LARGE1: variants seen among roughly 807,000 people sequenced by gnomAD.
LARGE1 encodes the protein LARGE xylosyl- and glucuronyltransferase 1.
In LARGE1, 43 loss-of-function variants were observed where a neutral mutation model predicts 87.6. That is an observed-to-expected ratio of 0.49 (90% CI 0.38 to 0.63). The LOEUF (loss-of-function observed/expected upper bound fraction) is 0.63. LARGE1 is among the 30% of genes least tolerant of loss of function. The probability of loss-of-function intolerance (pLI) is 0.00; values close to 1 mark genes in which losing one functional copy is unlikely to be tolerated. For synonymous variants in LARGE1, 434 were observed against 394.6 expected, an observed-to-expected ratio of 1.10 and a Z score of -1.18; for missense variants, 802 against 1,000.2, an observed-to-expected ratio of 0.80 and a Z score of 2.67.
intron 5 of LARGE1, chr22:33,572,370 G>C (rs2078231807): frequency 3.2e-6 from 1 of 309,852 alleles, no homozygotes; most frequent in Non-Finnish European, 6.2e-6. Flanking sequence ...AGATGCCTTG[G>C]AAGAAGATCG....
chr22:33,241,884 T>C (rs1926541875), intron 11 of LARGE1, among the ~76,000 whole-genome samples: 1 of 152,058 alleles, frequency 6.6e-6, no homozygotes, highest in African/African-American at 2.4e-5. Context: ...TAGCTGTCCA[T>C]CAAAGGGTAG....
intron 9 of LARGE1, among the ~76,000 whole-genome samples, chr22:33,367,532 A>T (rs1245410150): frequency 6.6e-6 from 1 of 152,132 alleles, no homozygotes; most frequent in African/African-American, 2.4e-5. Flanking sequence ...ATCCTGCCTC[A>T]GCCTCTCTAG....
chr22:33,350,021 T>C (rs1940209371), intron 9 of LARGE1, among the ~76,000 whole-genome samples: 1 of 152,196 alleles, frequency 6.6e-6, no homozygotes, highest in South Asian at 2.1e-4. Flanking sequence ...GCTTATTCTG[T>C]TCTCTGTAAC....
intron 11 of LARGE1, among the ~76,000 whole-genome samples, chr22:33,259,346 AC>A (rs200213394): frequency 0.034 from 5,141 of 149,466 alleles, 163 homozygotes; most frequent in South Asian, 0.08. Context: ...ACACACACAC[AC>A]AAACACACAC....
intron 6 of LARGE1, among the ~76,000 whole-genome samples, chr22:33,552,209 T>C (rs547682081): frequency 5.9e-5 from 9 of 152,144 alleles, no homozygotes; most frequent in Non-Finnish European, 1.2e-4. Flanking sequence ...AGAAGAGACA[T>C]CATGGCAGAG....
At chr22:33,360,577 C>A (rs767477638) in intron 9 of LARGE1, among the ~76,000 whole-genome samples, 1 of 149,218 alleles carries the variant, frequency 6.7e-6, no homozygotes, top group African/African-American at 2.5e-5. Flanking sequence ...CAACACGATG[C>A]GGATGGTGCT....
intron 12 of LARGE1, among the ~76,000 whole-genome samples, chr22:33,288,059 G>A (rs62227562): frequency 6.6e-6 from 1 of 152,284 alleles, no homozygotes; most frequent in South Asian, 2.1e-4. Context: ...CATTAAGCAC[G>A]GGGTACATGA....
chr22:33,090,754 C>A, the LARGE1 span, among the ~76,000 whole-genome samples: 1 of 152,166 alleles, frequency 6.6e-6, no homozygotes, highest in Non-Finnish European at 1.5e-5. Context: ...TAGGCAGTGA[C>A]GGTATAAATA....
chr22:33,159,627 C>T (rs1921960460), downstream of LARGE1, among the ~76,000 whole-genome samples: 1 of 150,924 alleles, frequency 6.6e-6, no homozygotes, highest in African/African-American at 2.4e-5. Flanking sequence ...CTCTGTCACC[C>T]AGGCTGGAGC....
chr22:33,356,717 C>T (rs926600560), intron 9 of LARGE1, among the ~76,000 whole-genome samples: 7 of 151,842 alleles, frequency 4.6e-5, no homozygotes, highest in African/African-American at 1.7e-4. Flanking sequence ...TTGCAGTGAG[C>T]GGGGATCATG....
the LARGE1 span, among the ~76,000 whole-genome samples, chr22:33,145,922 A>G: frequency 6.6e-6 from 1 of 152,168 alleles, no homozygotes; most frequent in South Asian, 2.1e-4. Flanking sequence ...TGGCAAAAGT[A>G]TGGGGAAAAT....
intron 10 of LARGE1, among the ~76,000 whole-genome samples, chr22:33,320,667 C>G (rs1210321044): frequency 6.6e-6 from 1 of 152,186 alleles, no homozygotes; most frequent in Non-Finnish European, 1.5e-5. Flanking sequence ...TTTCAATTTT[C>G]CTTTTGTGTC....
chr22:33,397,861 T>C (rs1217740121), intron 7 of LARGE1, among the ~76,000 whole-genome samples: 1 of 152,256 alleles, frequency 6.6e-6, no homozygotes, highest in Non-Finnish European at 1.5e-5. Flanking sequence ...TATAGTGGTA[T>C]AACAATATGG....
At chr22:33,637,947 G>A (rs1047449770) in intron 3 of LARGE1, among the ~76,000 whole-genome samples, 3 of 152,186 alleles carry the variant, frequency 2.0e-5, no homozygotes, top group Non-Finnish European at 4.4e-5. Context: ...TACCTAAGGT[G>A]CCCTGAAAAT....
intron 2 of LARGE1, among the ~76,000 whole-genome samples, chr22:33,684,624 A>C (rs1054479224): frequency 3.3e-5 from 5 of 152,190 alleles, no homozygotes; most frequent in African/African-American, 1.2e-4. Context: ...AGGAGAAGCT[A>C]CTGTGTGCAT....
intron 11 of LARGE1, among the ~76,000 whole-genome samples, chr22:33,259,929 T>C (rs1927531370): frequency 6.6e-6 from 1 of 152,200 alleles, no homozygotes; most frequent in South Asian, 2.1e-4. Context: ...CCCTCCCAGG[T>C]CTGGCCAATT....
chr22:33,739,237 C>T (rs2083783902), intron 2 of LARGE1, among the ~76,000 whole-genome samples: 1 of 152,082 alleles, frequency 6.6e-6, no homozygotes, highest in Non-Finnish European at 1.5e-5. Context: ...TGGTGCACAC[C>T]GGCAGGACCA....
chr22:33,811,979 G>A (rs555850087), intron 1 of LARGE1, among the ~76,000 whole-genome samples: 1 of 152,328 alleles, frequency 6.6e-6, no homozygotes, highest in South Asian at 2.1e-4. Context: ...CTAAGTAAGA[G>A]AGGAACAAGG....
the LARGE1 span, among the ~76,000 whole-genome samples, chr22:33,122,359 C>CT: frequency 2.8e-3 from 376 of 132,288 alleles, 6 homozygotes; most frequent in Middle Eastern, 0.016. Context: ...TTTTCTTTTT[C>CT]TTTTTTTTTT....
Sources: gnomAD v4.1 joint callset for allele counts (sites outside exome capture counted in the v4.1 genomes callset) on GRCh38, gnomAD v4.1.1 for gene constraint, MANE v1.5 for transcripts, NCBI Gene and HGNC (gene_info 2026-07-23, HGNC 2026-07-21) for gene names.